Variants in OSBPL3 observed in about 807,000 individuals in gnomAD.
OSBPL3 encodes the protein oxysterol binding protein like 3, also known as oxysterol-binding protein-related protein 3.
Under a neutral mutation model 120.1 loss-of-function variants are expected in OSBPL3, and 65 were observed. The ratio of observed to expected loss-of-function variants is 0.54; its 90% CI spans 0.44 to 0.67. The LOEUF (loss-of-function observed/expected upper bound fraction) is 0.67. Ranked by LOEUF, OSBPL3 falls within the 30% of genes least tolerant of loss-of-function variation. The probability of loss-of-function intolerance (pLI) is 0.00; values close to 1 mark genes in which losing one functional copy is unlikely to be tolerated. For missense variants in OSBPL3, 1,004 were observed against 1,082.1 expected (o/e 0.93, Z 1.01); for synonymous variants, 416 against 402.6 (o/e 1.03, Z -0.40).
chr7:24,886,283 C>G (rs904564271), intron 2 of OSBPL3, among the ~76,000 whole-genome samples: 6 of 152,194 alleles, frequency 3.9e-5, no homozygotes, highest in African/African-American at 1.4e-4. Context: ...AGGCAAAAAG[C>G]AAAACCGGTG....
Position 24,968,846 on chromosome 7 carries a change from T to C in OSBPL3, c.-150+11040A>G, listed in dbSNP as rs1410699050. On this transcript the variant is annotated intron_variant, in intron 1 of 22. Coordinates refer to ENST00000313367, the MANE Select transcript of OSBPL3 (RefSeq NM_015550.4). The surrounding 1 kb of genome is among the most constrained non-coding windows in gnomAD (Gnocchi z 4.6). ...ACAATAAATCTCACATATCATTCCA[T>C]ATCAGAAAATGTAGAGCTGCCTCAT... 6.6e-6 allele frequency among the ~76,000 whole-genome samples: 1 copy of C among 152,226 alleles called. No homozygotes were observed. The highest frequency in any genetic ancestry group is 1.5e-5 in the Non-Finnish European group (1 of 68,040).
At position 24,813,262 on chromosome 7, in the gene OSBPL3, C is replaced by T. The variant is rs769529821; in HGVS notation, c.2172+1797G>A. Among the ~76,000 whole-genome samples the T allele has an allele frequency of 4.6e-5, 7 of 152,058 alleles. No individual in the cohort carries two copies. Among genetic ancestry groups the T allele is most frequent in the Non-Finnish European group, 8.8e-5 (6 of 68,040 alleles). The stretch of plus-strand genomic sequence containing the variant: ...TCCAGTGCTGAGAATTTGCTGGAAG[C>T]CACCAAGGGACACTGTCACCTTCCA... On this transcript the variant is annotated intron_variant, in intron 19 of 22. Transcript: ENST00000313367. The surrounding 1 kb of genome is among the most constrained non-coding windows in gnomAD (Gnocchi z 4.5).
upstream of OSBPL3, chr7:24,980,207 G>T: frequency 3.6e-6 from 1 of 275,612 alleles, no homozygotes; most frequent in Non-Finnish European, 5.5e-6. Flanking sequence ...ATTAGCCCGA[G>T]GAGCCGCGCA....
At chr7:24,980,650 G>A (rs540851623), upstream of OSBPL3, among the ~76,000 whole-genome samples, 4 of 152,164 alleles carry the variant, frequency 2.6e-5, no homozygotes, top group South Asian at 8.3e-4. Flanking sequence ...AAGTCAGACT[G>A]TGGCAGAGGA....
Position 24,904,504 on chromosome 7 carries a change from A to G in OSBPL3, c.-149-11883T>C, listed in dbSNP as rs1807564581. On this transcript the variant is annotated intron_variant, in intron 1 of 22. Transcript: ENST00000313367. ...TTACACTGTGTTAAGTATTGTAAGT[A>G]ATCTAGAAATAGTTTAAATATACAG... Among the ~76,000 whole-genome samples, 5 of 152,344 alleles carry G rather than the reference A, an allele frequency of 3.3e-5. No individual in the cohort carries two copies. The South Asian group carries it at 1.0e-3, about 32-fold the overall frequency.
chr7:24,869,364 C>T (rs1323933625), intron 5 of OSBPL3, among the ~76,000 whole-genome samples: 1 of 152,120 alleles, frequency 6.6e-6, no homozygotes, highest in Non-Finnish European at 1.5e-5. Flanking sequence ...GAAGAAATAA[C>T]CTAAACTATT....
At position 24,862,283 on chromosome 7, in the gene OSBPL3, G is replaced by T. The variant is rs941696598; in HGVS notation, c.871-514C>A. Among the ~76,000 whole-genome samples the T allele has an allele frequency of 9.9e-5, 15 of 152,172 alleles. No individual in the cohort carries two copies. In the South Asian group the frequency reaches 2.3e-3, roughly 23 times the overall value. On this transcript the variant is annotated intron_variant, in intron 9 of 22. Coordinates refer to ENST00000313367, the MANE Select transcript of OSBPL3 (RefSeq NM_015550.4). This position sits in a 1 kb window ranked among gnomAD's most constrained non-coding sequence, Gnocchi z 4.4. The stretch of plus-strand genomic sequence containing the variant: ...CTTGCTTCTTGTGAGCTAAAAATGG[G>T]TGAGAAATCACATATTCTTTTGGAA...
intron 1 of OSBPL3, among the ~76,000 whole-genome samples, chr7:24,919,441 T>G (rs1321469238): frequency 6.6e-6 from 1 of 152,140 alleles, no homozygotes; most frequent in Non-Finnish European, 1.5e-5. Context: ...GTGCTGGTGC[T>G]GGAACTTGAT....
intron 22 of OSBPL3, among the ~76,000 whole-genome samples, chr7:24,801,501 C>T (rs1792354510): frequency 6.6e-6 from 1 of 152,198 alleles, no homozygotes; most frequent in South Asian, 2.1e-4. Context: ...TCTATTCCCT[C>T]TCATTCTGAC....
rs904559472 is a variant in OSBPL3, at chr7:24,900,305, G to A, written c.-149-7684C>T. On this transcript the variant is annotated intron_variant, in intron 1 of 22. Transcript: ENST00000313367. The surrounding 1 kb of genome is among the most constrained non-coding windows in gnomAD (Gnocchi z 4.5). ...GGCCTTTGGTATACAGCAGGTCCTC[G>A]AGTAATGTTGTTTTATTTAACTTTG... is the stretch of plus-strand genomic sequence containing the variant. 1.1e-4 allele frequency among the ~76,000 whole-genome samples: 16 copies of A among 152,154 alleles called. No homozygotes were observed. The highest frequency in any genetic ancestry group is 7.2e-4 in the Admixed American group (11 of 15,278).
rs1334635338 is a variant in OSBPL3 at position 24,803,035 on chromosome 7, T to C, written c.2567+1280A>G. Among the ~76,000 whole-genome samples the C allele has an allele frequency of 6.6e-6, 1 of 152,230 alleles. No individual in the cohort carries two copies. The highest frequency in any genetic ancestry group is 1.5e-5 in the Non-Finnish European group (1 of 68,034). ...GATCTAGTAGAATCTACATCAACTT[T>C]AGGGAAAAGAGCATCATATTCTTCA... On this transcript the variant is annotated intron_variant, in intron 22 of 22. Transcript: ENST00000313367. This position sits in a 1 kb window ranked among gnomAD's most constrained non-coding sequence, Gnocchi z 4.2.
Position 24,930,536 on chromosome 7 carries a change from G to A in OSBPL3, c.-149-37915C>T, listed in dbSNP as rs1811659922. 6.6e-6 allele frequency among the ~76,000 whole-genome samples: 1 copy of A among 151,860 alleles called. No individual in the cohort carries two copies. The highest frequency in any genetic ancestry group is 6.6e-5 in the Admixed American group (1 of 15,242). On this transcript the variant is annotated intron_variant, in intron 1 of 22. Coordinates refer to ENST00000313367, the MANE Select transcript of OSBPL3 (RefSeq NM_015550.4). The surrounding 1 kb of genome is among the most constrained non-coding windows in gnomAD (Gnocchi z 4.4). ...TTTCAATAGGAATGGGGGACACTGAGTTGCAGCTAAAAAAAGATCACATAT... is the reference window on the plus strand; with the variant it reads ...TTTCAATAGGAATGGGGGACACTGAATTGCAGCTAAAAAAAGATCACATAT...
chr7:24,884,450 T>G (rs1023904309), intron 2 of OSBPL3, among the ~76,000 whole-genome samples: 1 of 152,188 alleles, frequency 6.6e-6, no homozygotes, highest in African/African-American at 2.4e-5. Context: ...TTATGAGCTG[T>G]GAAGATGCTA....
Position 24,840,447 on chromosome 7 carries a change from ATT to A in OSBPL3, c.1495+241_1495+242del, listed in dbSNP as rs373189081. Among the ~76,000 whole-genome samples, 376 of 152,260 alleles carry A rather than the reference ATT, an allele frequency of 2.5e-3. 14 individuals carry two copies. In the South Asian group the frequency reaches 0.066, roughly 27 times the overall value. ...CTGTTCTAATGATTTTTTTAATAAA[ATT>A]TTCTTTCCTCTAGCTTACTTTATTG... On this transcript the variant is annotated intron_variant, in intron 14 of 22. Transcript: ENST00000313367.
intron 19 of OSBPL3, among the ~76,000 whole-genome samples, chr7:24,810,699 C>A (rs1793687490): frequency 6.6e-6 from 1 of 152,142 alleles, no homozygotes; most frequent in Admixed American, 6.5e-5. Flanking sequence ...CCCCTCCACC[C>A]CTGGCAAACC....
chr7:24,807,044 G>T (rs558329269), intron 20 of OSBPL3, 142 bp from the exon 21 acceptor site: 2 of 692,372 alleles, frequency 2.9e-6, no homozygotes, highest in African/African-American at 1.8e-5. Flanking sequence ...TCTGACTAAT[G>T]AACAGGCACT....
chr7:24,980,955 G>A (rs1228690680), upstream of OSBPL3, among the ~76,000 whole-genome samples: 1 of 152,028 alleles, frequency 6.6e-6, no homozygotes, highest in Non-Finnish European at 1.5e-5. Flanking sequence ...GCAGCTGATG[G>A]TTTGGGGTCA....
rs1199279165 is a variant in OSBPL3 at position 24,802,911 on chromosome 7, C to A, written c.2567+1404G>T. ...AAGAATGTAACATTTCCATCTTATTCTTTAAACGTTTAAATGAAGCTTGAA... is the reference window on the plus strand; with the variant it reads ...AAGAATGTAACATTTCCATCTTATTATTTAAACGTTTAAATGAAGCTTGAA... On this transcript the variant is annotated intron_variant, in intron 22 of 22. Coordinates refer to ENST00000313367, the MANE Select transcript of OSBPL3 (RefSeq NM_015550.4). This position sits in a 1 kb window ranked among gnomAD's most constrained non-coding sequence, Gnocchi z 4.1. 2.0e-5 allele frequency among the ~76,000 whole-genome samples: 3 copies of A among 152,066 alleles called. No individual in the cohort carries two copies. Among genetic ancestry groups the A allele is most frequent in the African/African-American group, 7.2e-5 (3 of 41,402 alleles).
intron 14 of OSBPL3, among the ~76,000 whole-genome samples, chr7:24,836,249 G>T (rs1389037677): frequency 6.6e-6 from 1 of 152,204 alleles, no homozygotes; most frequent in African/African-American, 2.4e-5. Flanking sequence ...ATCGGCAGCA[G>T]ATGTGAACAT....
Sources: gnomAD v4.1 joint callset for allele counts (sites outside exome capture counted in the v4.1 genomes callset) on GRCh38, gnomAD v4.1.1 for gene constraint, Gnocchi (gnomAD v3.1) non-coding constraint, MANE v1.5 for transcripts, NCBI Gene and HGNC (gene_info 2026-07-23, HGNC 2026-07-21) for gene names.